Variants in KHDC4 observed in about 807,000 individuals in gnomAD.
KHDC4 encodes KH domain containing 4, pre-mRNA splicing factor, also known as KH homology domain-containing protein 4.
Under a neutral mutation model 74.5 loss-of-function variants are expected in KHDC4, and 19 were observed. That is an observed-to-expected ratio of 0.26 (90% confidence interval 0.18 to 0.37). The LOEUF (loss-of-function observed/expected upper bound fraction) is 0.37. Ranked by LOEUF, KHDC4 falls within the 10% of genes least tolerant of loss-of-function variation. The probability of loss-of-function intolerance (pLI) is 1.00; values close to 1 mark genes in which losing one functional copy is unlikely to be tolerated. For synonymous variants in KHDC4, 253 were observed against 266.1 expected, an observed-to-expected ratio of 0.95 and a Z score of 0.48; for missense variants, 632 against 754.1, an observed-to-expected ratio of 0.84 and a Z score of 1.90.
chr1:155,916,852 C>G, intron 11 of KHDC4, 115 bp from the exon 12 acceptor site: 1 of 687,592 alleles, frequency 1.5e-6, no homozygotes, highest in Non-Finnish European at 2.5e-6. Flanking sequence ...GTACGTTAAA[C>G]TACTACAAAG....
In KHDC4 at chr1:155,932,228, T is replaced by G. The variant is rs1168690181; in HGVS notation, c.255+1405A>C. The G allele has an allele frequency of 2.0e-5, 3 of 152,200 alleles. No homozygotes were observed. The East Asian group carries it at 5.8e-4, about 29-fold the overall frequency. 9.4% of individuals were successfully genotyped at this position (152,200 alleles called of 1,614,324 possible). A position where few individuals can be genotyped will look rare whatever the true frequency, so the allele number is the denominator to read the frequency against. ...CTCAAGCTCCTAGGCTCAGGTGATCTTTCCACCTCAGCCTTCCAAGAATCC... is the reference window on the plus strand; with the variant it reads ...CTCAAGCTCCTAGGCTCAGGTGATCGTTCCACCTCAGCCTTCCAAGAATCC... On this transcript the variant is annotated intron_variant, in intron 2 of 13. Coordinates refer to ENST00000368321, the MANE Select transcript of KHDC4 (RefSeq NM_014949.4).
At chr1:155,929,170 G>A in intron 4 of KHDC4, 126 bp downstream of exon 4, 3 of 676,556 alleles carry the variant, frequency 4.4e-6, no homozygotes, top group East Asian at 2.5e-5. Flanking sequence ...GCTATAGTGT[G>A]CACACACATA....
Position 155,921,635 on chromosome 1 carries a change from G to A in KHDC4, c.1013-7C>T, listed in dbSNP as rs1673865825. The stretch of plus-strand genomic sequence containing the variant: ...GCAGAGGGTTGTGTATAGCCTGAGG[G>A]GGAAGAAAAAAAGTGTTTAATCAGC... On this transcript the variant is annotated splice_polypyrimidine_tract_variant and splice_region_variant and intron_variant, in intron 9 of 13. Transcript: ENST00000368321. 2 of 1,601,466 alleles carry A rather than the reference G, an allele frequency of 1.2e-6. No homozygotes were observed. Among genetic ancestry groups the A allele is most frequent in the East Asian group, 4.5e-5 (2 of 44,628 alleles).
intron 7 of KHDC4, 108 bp from the exon 8 acceptor site, chr1:155,923,795 T>A: frequency 1.3e-6 from 1 of 783,550 alleles, no homozygotes; most frequent in Non-Finnish European, 2.2e-6. Flanking sequence ...ATACATTCAC[T>A]GTAGCTCAAA....
Position 155,929,809 on chromosome 1 carries a change from T to C in KHDC4, c.287A>G (p.Asn96Ser), listed in dbSNP as rs1184740848. The stretch of plus-strand genomic sequence containing the variant: ...TACCACCAGGTCATCCTTGCTTTTA[T>C]TGCTAGTTAGGCCTTTGCCAGGAGC... ...LQAPGKGLTS[N>S]KSKDDLVVAE... Residue 96 changes from asparagine to serine, a missense_variant, in exon 3 of 14, where the codon AAT becomes AGT. Coordinates refer to ENST00000368321, the MANE Select transcript of KHDC4 (RefSeq NM_014949.4). 6 of 1,610,364 alleles carry C rather than the reference T, an allele frequency of 3.7e-6. No individual in the cohort carries two copies. The highest frequency in any genetic ancestry group is 5.1e-6 in the Non-Finnish European group (6 of 1,178,454).
In KHDC4 at chr1:155,914,182, T is replaced by C. The variant is rs772030059; in HGVS notation, c.1784A>G (p.Tyr595Cys). ...TCGTGGTTGTGATGAAGGATATTGG[T>C]ATCCCAAACTCCAGCCCTGTGGAAA... ...SSFPQGWSLG[Y>C]QYPSSQPRAK... Residue 595 changes from tyrosine to cysteine, a missense_variant, in exon 14 of 14, where the codon TAC becomes TGC. Transcript: ENST00000368321. 9.9e-6 allele frequency: 16 copies of C among 1,614,052 alleles called. No homozygotes were observed. Among genetic ancestry groups the C allele is most frequent in the Non-Finnish European group, 7.6e-6 (9 of 1,180,030 alleles).
chr1:155,921,778 TGGCACAGTCTAG>T, intron 9 of KHDC4, 71 bp downstream of exon 9: 1 of 1,406,040 alleles, frequency 7.1e-7, no homozygotes, highest in South Asian at 1.3e-5. Context: ...AATAGTGCCC[TGGCACAGTCTAG>T]CCTCAAGTAT....
chr1:155,914,362 G>C, intron 13 of KHDC4, 42 bp from the exon 14 acceptor site: 1 of 1,393,922 alleles, frequency 7.2e-7, no homozygotes, highest in South Asian at 1.3e-5. Context: ...TCCCCGCCAA[G>C]GGAAAAAAAA....
In KHDC4 at chr1:155,919,112, T is replaced by C. The variant is rs150100831; in HGVS notation, c.1267-1440A>G. On this transcript the variant is annotated intron_variant, in intron 10 of 13. Coordinates refer to ENST00000368321, the MANE Select transcript of KHDC4 (RefSeq NM_014949.4). ...CCTCCCAAGTAGCTGGGATTACAGA[T>C]GCCTGCCACCGCGCCCAGCTAATTT... Among the ~76,000 whole-genome samples, 1,144 of 151,548 alleles carry C rather than the reference T, an allele frequency of 7.5e-3. 15 individuals carry two copies. The highest frequency in any genetic ancestry group is 0.026 in the African/African-American group (1,065 of 41,362).
chr1:155,920,141 A>C (rs1434801447), intron 10 of KHDC4: 1 of 300,964 alleles, frequency 3.3e-6, no homozygotes, highest in East Asian at 8.8e-5. Context: ...TTCTACTTTC[A>C]TGATTTAAGA....
At position 155,926,656 on chromosome 1, in the gene KHDC4, G is replaced by T. The variant is rs774563692; in HGVS notation, c.681+20C>A. The T allele has an allele frequency of 6.2e-7, 1 of 1,611,920 alleles. No individual in the cohort carries two copies. Among genetic ancestry groups the T allele is most frequent in the South Asian group, 1.1e-5 (1 of 91,010 alleles). ...TTATAGAAATGATAATGCTATTAACGATCCCTCCCCAAAACATACCCCTGA... is the reference window on the plus strand; with the variant it reads ...TTATAGAAATGATAATGCTATTAACTATCCCTCCCCAAAACATACCCCTGA... On this transcript the variant is annotated intron_variant, in intron 6 of 13. Transcript: ENST00000368321.
chr1:155,925,679 C>T lies in KHDC4; in HGVS notation c.846G>A (p.Glu282=), dbSNP rs1673975672. ...FLRGKGSGCI[E]PASGREAFEP... ...CAAAAGCTTCTCGGCCAGATGCTGG[C>T]TCAATGCAGCCTGAACCTTTGCCCC... Residue 282 remains glutamate (E), a synonymous_variant, in exon 7 of 14, where the codon GAG becomes GAA. Transcript: ENST00000368321. The T allele has an allele frequency of 1.9e-6, 3 of 1,614,050 alleles. No individual in the cohort carries two copies. Among genetic ancestry groups the T allele is most frequent in the South Asian group, 2.2e-5 (2 of 91,096 alleles).
chr1:155,922,162 TTTTGA>T, intron 8 of KHDC4: 10 of 362,184 alleles, frequency 2.8e-5, no homozygotes, highest in Non-Finnish European at 4.6e-5. Context: ...TTTTTTTTTT[TTTTGA>T]GACAGTCTCA....
intron 6 of KHDC4, 42 bp downstream of exon 6, chr1:155,926,634 T>C (rs1557970072): frequency 5.6e-6 from 9 of 1,601,906 alleles, no homozygotes; most frequent in East Asian, 2.2e-5. Context: ...ATCATTTTTA[T>C]AGAAATGATA....
At chr1:155,921,342 A>G in intron 10 of KHDC4, 33 bp downstream of exon 10, 1 of 1,602,068 alleles carries the variant, frequency 6.2e-7, no homozygotes, top group Non-Finnish European at 8.5e-7. Context: ...TCCTAAATTC[A>G]GTAATATGTT....
intron 5 of KHDC4, 59 bp from the exon 6 acceptor site, chr1:155,926,898 C>A (rs1469379759): frequency 6.3e-7 from 1 of 1,579,506 alleles, no homozygotes; most frequent in African/African-American, 1.3e-5. Context: ...CCCAGGCAGG[C>A]CAGTGTTCAA....
intron 1 of KHDC4, among the ~76,000 whole-genome samples, chr1:155,934,110 C>T (rs1674201483): frequency 6.6e-6 from 1 of 152,174 alleles, no homozygotes; most frequent in African/African-American, 2.4e-5. Flanking sequence ...CTCTAGTTTA[C>T]GCCTTCCCCT....
At chr1:155,917,997 T>C (rs1349869441) in intron 10 of KHDC4, among the ~76,000 whole-genome samples, 2 of 152,192 alleles carry the variant, frequency 1.3e-5, no homozygotes, top group East Asian at 3.8e-4. Flanking sequence ...TAGCTTTCTG[T>C]AATAAGCTTT....
intron 13 of KHDC4, chr1:155,914,622 T>TC: frequency 3.3e-6 from 1 of 302,986 alleles, no homozygotes; most frequent in Non-Finnish European, 6.0e-6. Flanking sequence ...GGCTGATATT[T>TC]CACCTTTTAA....
Sources: allele counts gnomAD v4.1 joint callset (sites outside exome capture counted in the v4.1 genomes callset), GRCh38; gene constraint gnomAD v4.1.1; transcripts MANE v1.5; gene names NCBI Gene and HGNC (gene_info 2026-07-23, HGNC 2026-07-21).